The following TRPV4 variants were observed in gnomAD, a reference collection of about 807,000 sequenced individuals.
The protein encoded by TRPV4 is transient receptor potential cation channel subfamily V member 4.
TRPV4 carries 58 observed loss-of-function variants against 84.1 expected under a neutral mutation model. The observed-to-expected ratio is 0.69, with a 90% CI of 0.56 to 0.86. The LOEUF is 0.86. TRPV4 is among the 40% of genes least tolerant of loss of function. The pLI, the probability that TRPV4 is intolerant of heterozygous loss-of-function variation, is 0.00. For missense variants in TRPV4, 879 were observed against 1,181.1 expected (o/e 0.74, Z 3.75); for synonymous variants, 489 against 500.9 (o/e 0.98, Z 0.32).
At chr12:109,788,759 CCA>C in intron 12 of TRPV4, 43 bp from the exon 13 acceptor site, 3 of 1,606,976 alleles carry the variant, frequency 1.9e-6, no homozygotes, top group Non-Finnish European at 2.6e-6. Context: ...GTGAGCACAC[CCA>C]CAGAGAGGTG....
In TRPV4 at chr12:109,796,810, T is replaced by G; in HGVS notation, c.1153-106A>C. 1 of 1,153,162 alleles carries G rather than the reference T, an allele frequency of 8.7e-7. No individual in the cohort carries two copies. The highest frequency in any genetic ancestry group is 2.5e-5 in the East Asian group (1 of 40,768). 71.4% of individuals were successfully genotyped at this position (1,153,162 alleles called of 1,614,324 possible). On this transcript the variant is annotated intron_variant, in intron 6 of 15. Transcript: ENST00000261740. The surrounding 1 kb of genome is among the most constrained non-coding windows in gnomAD (Gnocchi z 4.2). ...CCCCAGAAAACAGCTAAGCACCGGC[T>G]GCTGGAGGACCCTTTCCTCATCTTG...
intron 7 of TRPV4, 45 bp from the exon 8 acceptor site, chr12:109,794,532 G>T (rs376689968): frequency 2.7e-5 from 43 of 1,607,490 alleles, no homozygotes; most frequent in Non-Finnish European, 3.6e-5. Flanking sequence ...TGAGATGGGT[G>T]GGGGGTCCAG....
chr12:109,817,720 C>T (rs773823250), intron 1 of TRPV4, among the ~76,000 whole-genome samples: 1 of 152,236 alleles, frequency 6.6e-6, no homozygotes, highest in Non-Finnish European at 1.5e-5. Context: ...GTGCCCAGCA[C>T]AGGGCCTCAT....
chr12:109,831,448 G>A (rs1037974726), intron 1 of TRPV4, among the ~76,000 whole-genome samples: 1 of 152,250 alleles, frequency 6.6e-6, no homozygotes, highest in Admixed American at 6.5e-5. Flanking sequence ...AGGTGTGGGA[G>A]CTCCTCCCCG....
rs111999036 is a variant in TRPV4 at position 109,827,698 on chromosome 12, A to G, written c.-32+5652T>C. ...CATGCACACATAGACATTCACATAC[A>G]CACATACACATGTATATACATACAC... On this transcript the variant is annotated intron_variant, in intron 1 of 15. Coordinates refer to ENST00000261740, the MANE Select transcript of TRPV4 (RefSeq NM_021625.5). Among the ~76,000 whole-genome samples the G allele has an allele frequency of 6.6e-5, 10 of 152,226 alleles. 1 individual carries two copies. The highest frequency in any genetic ancestry group is 1.9e-4 in the African/African-American group (8 of 41,526).
At chr12:109,832,673 GGACA>G (rs1206297747) in intron 1 of TRPV4, 1 of 153,510 alleles carries the variant, frequency 6.5e-6, no homozygotes, top group Non-Finnish European at 1.4e-5. Flanking sequence ...AAAACAGAGA[GGACA>G]GACAGAGGGA....
chr12:109,789,989 T>C (rs995384817), intron 12 of TRPV4, among the ~76,000 whole-genome samples: 6 of 152,220 alleles, frequency 3.9e-5, no homozygotes, highest in Admixed American at 3.9e-4. Flanking sequence ...AAGCTGCTAC[T>C]CTAACCCTTG....
Position 109,815,449 on chromosome 12 carries a change from T to C in TRPV4, c.-31-622A>G, listed in dbSNP as rs550480920. Among the ~76,000 whole-genome samples the C allele has an allele frequency of 3.1e-4, 47 of 152,326 alleles. No homozygotes were observed. The highest frequency in any genetic ancestry group is 1.1e-3 in the African/African-American group (46 of 41,578). The stretch of plus-strand genomic sequence containing the variant: ...TCCTTTTCCTCATCAAACACTGTCA[T>C]GATGAACCCATTTTACAGAACAGGA... On this transcript the variant is annotated intron_variant, in intron 1 of 15. Coordinates refer to ENST00000261740, the MANE Select transcript of TRPV4 (RefSeq NM_021625.5). The surrounding 1 kb of genome is among the most constrained non-coding windows in gnomAD (Gnocchi z 4.1).
chr12:109,788,140 G>A (rs1244976539), intron 13 of TRPV4, among the ~76,000 whole-genome samples: 2 of 152,220 alleles, frequency 1.3e-5, no homozygotes, highest in African/African-American at 2.4e-5. Context: ...AGGTGGAGCC[G>A]ACTGTGTCCT....
At position 109,802,609 on chromosome 12, in the gene TRPV4, A is replaced by ATT. The variant is rs1208198308; in HGVS notation, c.712+380_712+381dup. On this transcript the variant is annotated intron_variant, in intron 4 of 15. Transcript: ENST00000261740. Reference sequence around the variant, plus strand: ...GAGCCACCGCACCTGGCCTTCTTTTATTTTATTTTTTTTTTTTTGTATCTT... The same window carrying ATT: ...GAGCCACCGCACCTGGCCTTCTTTTATTTTTTATTTTTTTTTTTTTGTATCTT... Among the ~76,000 whole-genome samples the ATT allele has an allele frequency of 1.9e-4, 16 of 84,198 alleles. 1 individual carries two copies. The South Asian group carries it at 8.3e-3, about 44-fold the overall frequency. The allele number at this position is 84,198 out of a possible 152,430, so 55.2% of individuals were successfully genotyped here. A position where few individuals can be genotyped will look rare whatever the true frequency, so the allele number is the denominator to read the frequency against.
Position 109,808,367 on chromosome 12 carries a change from G to A in TRPV4, c.488C>T (p.Thr163Ile), listed in dbSNP as rs1477110826. ...TGGGAGCAGCCCGTCCAGGTCAGCAGTGGAGCCCCGGGACACGATGTCAAA... is the reference window on the plus strand; with the variant it reads ...TGGGAGCAGCCCGTCCAGGTCAGCAATGGAGCCCCGGGACACGATGTCAAA... ...ILFDIVSRGS[T>I]ADLDGLLPFL... Residue 163 changes from threonine to isoleucine, a missense_variant, in exon 3 of 16, where the codon ACT becomes ATT. Transcript: ENST00000261740. The A allele has an allele frequency of 6.2e-7, 1 of 1,614,134 alleles. No individual in the cohort carries two copies. The highest frequency in any genetic ancestry group is 8.5e-7 in the Non-Finnish European group (1 of 1,180,050).
chr12:109,807,930 T>C (rs904619978), intron 3 of TRPV4, among the ~76,000 whole-genome samples: 1 of 151,820 alleles, frequency 6.6e-6, no homozygotes, highest in Non-Finnish European at 1.5e-5. Context: ...GAGCCAGGAG[T>C]ATGCTATGAT....
chr12:109,826,032 TTTTTG>T (rs1471023257), intron 1 of TRPV4, among the ~76,000 whole-genome samples: 20 of 152,296 alleles, frequency 1.3e-4, no homozygotes, highest in Middle Eastern at 3.4e-3. Flanking sequence ...ATTTGGTTGT[TTTTTG>T]TTTTGAGACA....
At chr12:109,812,285 T>C (rs1592859699) in intron 2 of TRPV4, among the ~76,000 whole-genome samples, 2 of 152,122 alleles carry the variant, frequency 1.3e-5, no homozygotes, top group East Asian at 1.9e-4. Context: ...ATGGAATGCG[T>C]CATAGGGGCC....
chr12:109,814,769 C>G lies in TRPV4; in HGVS notation c.28G>C (p.Ala10Pro), dbSNP rs376436045. The change falls in exon 2 of 16, where the codon GCG becomes CCG. Residue 10 changes from alanine (A) to proline (P), a missense_variant. This residue lies in a region of TRPV4 where 107 missense variants were observed against 99.4 expected (regional missense o/e 1.08). Transcript: ENST00000261740. The surrounding 1 kb of genome is among the most constrained non-coding windows in gnomAD (Gnocchi z 5.4). Reference sequence around the variant, plus strand: ...AGCTCAGCCACCTCCCCGGGCCCCGCGCGGGGGCCTTCGCTGGAATCCGCC... The same window carrying G: ...AGCTCAGCCACCTCCCCGGGCCCCGGGCGGGGGCCTTCGCTGGAATCCGCC... MADSSEGPR[A>P]GPGEVAELPG... The G allele has an allele frequency of 2.7e-4, 426 of 1,553,938 alleles. 1 individual carries two copies. The African/African-American group carries it at 5.0e-3, about 18-fold the overall frequency.
Position 109,788,489 on chromosome 12 carries a change from A to G in TRPV4, c.2119T>C (p.Phe707Leu). The G allele has an allele frequency of 6.2e-7, 1 of 1,614,240 alleles. No individual in the cohort carries two copies. The highest frequency in any genetic ancestry group is 8.5e-7 in the Non-Finnish European group (1 of 1,180,040). Residue 707 changes from phenylalanine (F) to leucine (L), a missense_variant, in exon 13 of 16, where the codon TTT (phenylalanine) becomes CTT (leucine). By Grantham distance (22) the Phe-to-Leu change is conservative. This residue lies in a region of TRPV4 where 242 missense variants were observed against 355.3 expected (regional missense o/e 0.68). Coordinates refer to ENST00000261740, the MANE Select transcript of TRPV4 (RefSeq NM_021625.5). ...ATGAGCATGTTGAGGAGCAGCACAA[A>G]GGTGAGGATGATGTAGGTCACCAGC... The part of the protein sequence containing the change: ...ILLVTYIILT[F>L]VLLLNMLIAL...
intron 1 of TRPV4, among the ~76,000 whole-genome samples, chr12:109,816,307 C>T (rs2136673561): frequency 6.6e-6 from 1 of 152,264 alleles, no homozygotes; most frequent in Non-Finnish European, 1.5e-5. Context: ...TCATTCAGGC[C>T]TGGGTTCTAA....
chr12:109,805,650 G>A (rs1191936494), intron 3 of TRPV4, among the ~76,000 whole-genome samples: 1 of 152,158 alleles, frequency 6.6e-6, no homozygotes, highest in African/African-American at 2.4e-5. Flanking sequence ...CAGGTTTTGT[G>A]GGACGTAGAC....
In TRPV4 at chr12:109,788,436, C is replaced by T; in HGVS notation, c.2172G>A (p.Gln724=). 6.2e-7 allele frequency: 1 copy of T among 1,614,196 alleles called. No homozygotes were observed. The highest frequency in any genetic ancestry group is 1.1e-5 in the South Asian group (1 of 91,088). ...LIALMGETVG[Q]VSKESKHIWK... Reference sequence around the variant, plus strand: ...AGATGTGCTTGCTCTCCTTGGAGACCTGGCCCACTGTCTCGCCCATGAGGG... The same window carrying T: ...AGATGTGCTTGCTCTCCTTGGAGACTTGGCCCACTGTCTCGCCCATGAGGG... Residue 724 remains glutamine (Q), a synonymous_variant, in exon 13 of 16, where the codon CAG becomes CAA. Transcript: ENST00000261740.
Sources: allele counts gnomAD v4.1 joint callset (sites outside exome capture counted in the v4.1 genomes callset), GRCh38; gene constraint gnomAD v4.1.1; regional missense constraint gnomAD v4.1.1; non-coding constraint Gnocchi (gnomAD v3.1); transcripts MANE v1.5; gene names NCBI Gene and HGNC (gene_info 2026-07-23, HGNC 2026-07-21).